The following HS3ST3A1 variants were observed in gnomAD, a reference collection of about 807,000 sequenced individuals.
HS3ST3A1 encodes the protein heparan sulfate-glucosamine 3-sulfotransferase 3A1.
A neutral mutation model predicts 25.7 loss-of-function variants in HS3ST3A1; 19 were observed. The ratio of observed to expected loss-of-function variants is 0.74; its 90% CI spans 0.52 to 1.08. The LOEUF is 1.08. Among genes scored for constraint, HS3ST3A1 ranks in the 50% least tolerant of loss-of-function variants. The pLI, the probability that HS3ST3A1 is intolerant of heterozygous loss-of-function variation, is 0.00. For missense variants in HS3ST3A1, 459 were observed against 594.3 expected (o/e 0.77, Z 2.37); for synonymous variants, 226 against 278.6 (o/e 0.81, Z 1.88).
At chr17:13,523,388 G>T (rs1567613714) in intron 1 of HS3ST3A1, among the ~76,000 whole-genome samples, 1 of 152,192 alleles carries the variant, frequency 6.6e-6, no homozygotes, top group Non-Finnish European at 1.5e-5. Context: ...ATATTTGAGA[G>T]CCCACATTTG....
intron 1 of HS3ST3A1, among the ~76,000 whole-genome samples, chr17:13,535,590 C>A (rs555644386): frequency 9.2e-5 from 14 of 152,084 alleles, no homozygotes; most frequent in African/African-American, 2.9e-4. Flanking sequence ...ATAAATTTAG[C>A]AAGTAGGCAA....
At chr17:13,597,395 C>T (rs1354207474) in intron 1 of HS3ST3A1, among the ~76,000 whole-genome samples, 1 of 152,076 alleles carries the variant, frequency 6.6e-6, no homozygotes, top group Non-Finnish European at 1.5e-5. Flanking sequence ...TCCTGACTTC[C>T]AGCAAAGATC....
chr17:13,566,092 T>G (rs1038506644), intron 1 of HS3ST3A1, among the ~76,000 whole-genome samples: 1 of 152,236 alleles, frequency 6.6e-6, no homozygotes, highest in Non-Finnish European at 1.5e-5. Flanking sequence ...AGATATTGCA[T>G]TTTTTAAAAA....
chr17:13,579,608 G>A (rs534466528), intron 1 of HS3ST3A1, among the ~76,000 whole-genome samples: 6 of 148,994 alleles, frequency 4.0e-5, no homozygotes, highest in African/African-American at 1.5e-4. Context: ...GGCTGAGGCA[G>A]GAGAATTGGT....
intron 1 of HS3ST3A1, among the ~76,000 whole-genome samples, chr17:13,568,099 G>A (rs1441163124): frequency 6.6e-6 from 1 of 152,156 alleles, no homozygotes; most frequent in Non-Finnish European, 1.5e-5. Flanking sequence ...CCAGTCTTCA[G>A]CAACCACTAT....
At chr17:13,570,989 G>A (rs1012558853) in intron 1 of HS3ST3A1, among the ~76,000 whole-genome samples, 10 of 152,160 alleles carry the variant, frequency 6.6e-5, no homozygotes, top group African/African-American at 1.9e-4. Context: ...TAGAGATATA[G>A]GAGAGGCCTG....
intron 1 of HS3ST3A1, among the ~76,000 whole-genome samples, chr17:13,560,318 A>AAAAAAAAAAAAAAAAC (rs1598426570): frequency 6.9e-6 from 1 of 144,858 alleles, no homozygotes; most frequent in African/African-American, 2.6e-5. Context: ...AAAAAAAAAA[A>AAAAAAAAAAAAAAAAC]AGTGTATTAC....
intron 1 of HS3ST3A1, among the ~76,000 whole-genome samples, chr17:13,571,480 C>T (rs1297100518): frequency 1.3e-5 from 2 of 152,172 alleles, no homozygotes; most frequent in Non-Finnish European, 2.9e-5. Context: ...ACCTAGATGG[C>T]ACAGGTTACC....
intron 1 of HS3ST3A1, among the ~76,000 whole-genome samples, chr17:13,559,400 G>A (rs2142363684): frequency 6.6e-6 from 1 of 151,584 alleles, no homozygotes; most frequent in African/African-American, 2.4e-5. Context: ...ACACCTAAAA[G>A]TAAAAATATT....
At chr17:13,527,927 T>A (rs999209147) in intron 1 of HS3ST3A1, among the ~76,000 whole-genome samples, 2 of 152,242 alleles carry the variant, frequency 1.3e-5, no homozygotes, top group African/African-American at 4.8e-5. Context: ...AATGACCTAC[T>A]GCAGATATCA....
At chr17:13,551,863 T>A (rs3785701) in intron 1 of HS3ST3A1, among the ~76,000 whole-genome samples, 64,223 of 151,914 alleles carry the variant, frequency 0.42, 14,171 homozygotes, top group Middle Eastern at 0.51. Context: ...TGTTTTTTCT[T>A]ATATAATTTA....
rs969285355 is a variant in HS3ST3A1 at position 13,545,917 on chromosome 17, C to T, written c.600-49099G>A. Reference sequence around the variant, plus strand: ...GCTTGAACCCAGGAAGCAGAGGCTGCGGTGAACCGAGATTGTGTCACTGCA... The same window carrying T: ...GCTTGAACCCAGGAAGCAGAGGCTGTGGTGAACCGAGATTGTGTCACTGCA... On this transcript the variant is annotated intron_variant, in intron 1 of 1. Coordinates refer to ENST00000284110, the MANE Select transcript of HS3ST3A1 (RefSeq NM_006042.3). Among the ~76,000 whole-genome samples, 7 of 152,012 alleles carry T rather than the reference C, an allele frequency of 4.6e-5. No homozygotes were observed. The South Asian group carries it at 8.3e-4, about 18-fold the overall frequency.
chr17:13,579,409 A>C (rs548500637), intron 1 of HS3ST3A1, among the ~76,000 whole-genome samples: 1 of 152,240 alleles, frequency 6.6e-6, no homozygotes, highest in African/African-American at 2.4e-5. Flanking sequence ...TACTCTTAAA[A>C]GAGGATTTAG....
chr17:13,497,465 T>C (rs1905322114), intron 1 of HS3ST3A1, among the ~76,000 whole-genome samples: 1 of 152,256 alleles, frequency 6.6e-6, no homozygotes, highest in Non-Finnish European at 1.5e-5. Flanking sequence ...TAGTATACTT[T>C]CATGTACACC....
intron 1 of HS3ST3A1, among the ~76,000 whole-genome samples, chr17:13,540,352 G>A (rs1159646525): frequency 6.6e-6 from 1 of 152,176 alleles, no homozygotes; most frequent in Non-Finnish European, 1.5e-5. Flanking sequence ...AGTGGAAAGG[G>A]TTAAATATCA....
At chr17:13,523,735 G>A (rs1252069362) in intron 1 of HS3ST3A1, among the ~76,000 whole-genome samples, 1 of 152,072 alleles carries the variant, frequency 6.6e-6, no homozygotes, top group African/African-American at 2.4e-5. Flanking sequence ...CCCACAGAGA[G>A]TTTTAGCAAC....
At chr17:13,588,515 T>G (rs927671182) in intron 1 of HS3ST3A1, among the ~76,000 whole-genome samples, 4 of 152,142 alleles carry the variant, frequency 2.6e-5, no homozygotes, top group Non-Finnish European at 4.4e-5. Context: ...TTTCAAACTG[T>G]TTTTTTCTAT....
At chr17:13,591,482 A>G (rs2142392788) in intron 1 of HS3ST3A1, among the ~76,000 whole-genome samples, 1 of 152,330 alleles carries the variant, frequency 6.6e-6, no homozygotes, top group Non-Finnish European at 1.5e-5. Context: ...GTTCAACAAG[A>G]TAAGTTCTGT....
chr17:13,502,379 T>C (rs1430567357), intron 1 of HS3ST3A1, among the ~76,000 whole-genome samples: 1 of 152,180 alleles, frequency 6.6e-6, no homozygotes, highest in Non-Finnish European at 1.5e-5. Flanking sequence ...CCAAGCACTC[T>C]AGCACTGGCT....
Sources: gnomAD v4.1 joint callset for allele counts (sites outside exome capture counted in the v4.1 genomes callset) on GRCh38, gnomAD v4.1.1 for gene constraint, MANE v1.5 for transcripts, NCBI Gene and HGNC (gene_info 2026-07-23, HGNC 2026-07-21) for gene names.